The following AP4S1 variants were observed in gnomAD, a reference collection of about 807,000 sequenced individuals.
AP4S1 encodes AP-4 complex subunit sigma-1.
A neutral mutation model predicts 19.8 loss-of-function variants in AP4S1; 23 were observed. The observed-to-expected ratio is 1.16, with a 90% CI of 0.84 to 1.65. AP4S1 has a LOEUF of 1.65. AP4S1 is among the 40% of genes most tolerant of loss of function. The probability of loss-of-function intolerance (pLI) is 0.00; values close to 1 mark genes in which losing one functional copy is unlikely to be tolerated. For missense variants in AP4S1, 166 were observed against 172.8 expected, an observed-to-expected ratio of 0.96 and a Z score of 0.22; for synonymous variants, 46 against 54.1, an observed-to-expected ratio of 0.85 and a Z score of 0.66.
intron 1 of AP4S1, among the ~76,000 whole-genome samples, chr14:31,028,183 A>T (rs985422497): frequency 1.5e-3 from 222 of 147,972 alleles, no homozygotes; most frequent in Non-Finnish European, 2.2e-3. Context: ...TATTTTATTT[A>T]TTTTTTTTTT....
chr14:31,089,276 G>A (rs1443369475), intron 5 of AP4S1, among the ~76,000 whole-genome samples: 1 of 152,170 alleles, frequency 6.6e-6, no homozygotes, highest in Non-Finnish European at 1.5e-5. Context: ...GTATTTTCTG[G>A]GGGAAATGTG....
At chr14:31,089,814 G>T (rs1594719021) in intron 5 of AP4S1, among the ~76,000 whole-genome samples, 1 of 152,080 alleles carries the variant, frequency 6.6e-6, no homozygotes. Flanking sequence ...AGCTACTCAG[G>T]AGGCTGAGGC....
At chr14:31,071,051 CA>C (rs201710948) in intron 3 of AP4S1, among the ~76,000 whole-genome samples, 12 of 143,236 alleles carry the variant, frequency 8.4e-5, no homozygotes, top group South Asian at 2.2e-4. Flanking sequence ...GACTCCATCT[CA>C]AAAAAAAAAG....
chr14:31,081,047 C>T (rs922911844), intron 5 of AP4S1, among the ~76,000 whole-genome samples: 2 of 152,210 alleles, frequency 1.3e-5, no homozygotes, highest in Non-Finnish European at 1.5e-5. Flanking sequence ...CCACCTCGGC[C>T]TCCCAAAGTG....
rs1196677128 is a variant in AP4S1, at chr14:31,058,346, G to C, written c.-71-7780G>C. Among the ~76,000 whole-genome samples, 3 of 151,982 alleles carry C rather than the reference G, an allele frequency of 2.0e-5. No homozygotes were observed. The East Asian group carries it at 5.8e-4, about 29-fold the overall frequency. On this transcript the variant is annotated intron_variant, in intron 1 of 5. Coordinates refer to ENST00000542754, the MANE Select transcript of AP4S1 (RefSeq NM_001128126.3). ...GTAACCTTAACCTTCTTTTCCTCTC[G>C]GGGTTTTCTAGATTCCCTTGCTAGG...
chr14:31,038,902 T>C (rs551688483), intron 1 of AP4S1, among the ~76,000 whole-genome samples: 1 of 152,316 alleles, frequency 6.6e-6, no homozygotes, highest in Non-Finnish European at 1.5e-5. Context: ...ATACTGCCTT[T>C]CAAGTTATAG....
chr14:31,049,965 A>C (rs972841352), intron 1 of AP4S1, among the ~76,000 whole-genome samples: 1 of 152,108 alleles, frequency 6.6e-6, no homozygotes, highest in Non-Finnish European at 1.5e-5. Flanking sequence ...TCTGTCGCCT[A>C]GACTGGAGTG....
At chr14:31,082,015 A>G (rs1481355669) in intron 5 of AP4S1, among the ~76,000 whole-genome samples, 1 of 152,130 alleles carries the variant, frequency 6.6e-6, no homozygotes, top group African/African-American at 2.4e-5. Flanking sequence ...AAATTTATAT[A>G]TACACTTATA....
intron 1 of AP4S1, among the ~76,000 whole-genome samples, chr14:31,049,474 T>TACACACACACACACACACACACACAC (rs1165169644): frequency 6.3e-4 from 36 of 57,174 alleles, no homozygotes; most frequent in East Asian, 1.5e-3. Flanking sequence ...TATATATATG[T>TACACACACACACACACACACACACAC]ACACACACAC....
At chr14:31,082,918 A>C (rs1268630053) in intron 5 of AP4S1, among the ~76,000 whole-genome samples, 1 of 151,324 alleles carries the variant, frequency 6.6e-6, no homozygotes, top group Non-Finnish European at 1.5e-5. Flanking sequence ...AAAGACTAGA[A>C]GAGCTTTAAC....
intron 1 of AP4S1, among the ~76,000 whole-genome samples, chr14:31,065,320 T>C (rs1003984491): frequency 6.6e-6 from 1 of 152,192 alleles, no homozygotes; most frequent in Non-Finnish European, 1.5e-5. Context: ...CTCACATCAG[T>C]GCCCCTTCTC....
intron 5 of AP4S1, among the ~76,000 whole-genome samples, chr14:31,083,145 T>G (rs1887740215): frequency 6.6e-6 from 1 of 152,228 alleles, no homozygotes; most frequent in African/African-American, 2.4e-5. Context: ...TATACTTGTC[T>G]TTGTAGCCTT....
intron 1 of AP4S1, among the ~76,000 whole-genome samples, chr14:31,050,355 C>T (rs924211347): frequency 2.0e-5 from 3 of 151,978 alleles, no homozygotes; most frequent in South Asian, 2.1e-4. Context: ...CCACCGTGCC[C>T]GGCCTATTTG....
intron 1 of AP4S1, among the ~76,000 whole-genome samples, chr14:31,042,126 C>T (rs376804815): frequency 1.3e-5 from 2 of 152,178 alleles, no homozygotes; most frequent in Admixed American, 6.5e-5. Flanking sequence ...CCACCGCACC[C>T]GGCCAACATT....
At chr14:31,065,318 A>T (rs1288675338) in intron 1 of AP4S1, among the ~76,000 whole-genome samples, 6 of 152,152 alleles carry the variant, frequency 3.9e-5, no homozygotes, top group African/African-American at 1.4e-4. Context: ...ACCTCACATC[A>T]GTGCCCCTTC....
At chr14:31,078,883 A>G (rs1887498990) in intron 4 of AP4S1, among the ~76,000 whole-genome samples, 1 of 152,212 alleles carries the variant, frequency 6.6e-6, no homozygotes, top group Admixed American at 6.5e-5. Flanking sequence ...GAAAGAAAAT[A>G]GGATCTGTCC....
intron 1 of AP4S1, among the ~76,000 whole-genome samples, chr14:31,057,677 G>A (rs1886194669): frequency 6.6e-6 from 1 of 152,042 alleles, no homozygotes; most frequent in African/African-American, 2.4e-5. Flanking sequence ...CCAGGCTAGA[G>A]TACAGTGGTG....
intron 1 of AP4S1, among the ~76,000 whole-genome samples, chr14:31,049,859 C>T (rs532027234): frequency 6.6e-6 from 1 of 152,070 alleles, no homozygotes; most frequent in South Asian, 2.1e-4. Context: ...CCCTTGGTCT[C>T]CCAAAGTACT....
At chr14:31,070,946 G>A (rs1280262750) in intron 3 of AP4S1, among the ~76,000 whole-genome samples, 1 of 152,192 alleles carries the variant, frequency 6.6e-6, no homozygotes, top group East Asian at 1.9e-4. Flanking sequence ...CAGCTACTCG[G>A]GAGGCTGAGG....
Sources: allele counts gnomAD v4.1 joint callset (sites outside exome capture counted in the v4.1 genomes callset), GRCh38; gene constraint gnomAD v4.1.1; transcripts MANE v1.5; gene names NCBI Gene and HGNC (gene_info 2026-07-23, HGNC 2026-07-21).